Variants in ZNF682 observed in about 807,000 individuals in gnomAD.
ZNF682 encodes zinc finger protein 682.
Under a neutral mutation model 36.5 loss-of-function variants are expected in ZNF682, and 29 were observed. The observed-to-expected ratio is 0.80, with a 90% CI of 0.59 to 1.08. The LOEUF (loss-of-function observed/expected upper bound fraction) is 1.08, where lower values mean the gene tolerates loss of function less well. Ranked by LOEUF, ZNF682 falls within the 50% of genes least tolerant of loss-of-function variation. The pLI, the probability that ZNF682 is intolerant of heterozygous loss-of-function variation, is 0.00. For synonymous variants in ZNF682, 180 were observed against 197.0 expected, an observed-to-expected ratio of 0.91 and a Z score of 0.72; for missense variants, 561 against 579.7, an observed-to-expected ratio of 0.97 and a Z score of 0.33.
At chr19:20,038,086 G>T (rs1599621375) in intron 1 of ZNF682, among the ~76,000 whole-genome samples, 1 of 152,184 alleles carries the variant, frequency 6.6e-6, no homozygotes, top group African/African-American at 2.4e-5. Flanking sequence ...AAATAACACA[G>T]GGTGGCTGAG....
chr19:19,996,589 C>T (rs2088129974), downstream of ZNF682, among the ~76,000 whole-genome samples: 1 of 152,100 alleles, frequency 6.6e-6, no homozygotes, highest in South Asian at 2.1e-4. Flanking sequence ...AAATGATAAA[C>T]CAAACATCAT....
chr19:20,038,465 C>T (rs750897634), intron 1 of ZNF682, among the ~76,000 whole-genome samples: 12 of 152,010 alleles, frequency 7.9e-5, no homozygotes, highest in Admixed American at 3.3e-4. Flanking sequence ...AACTGCAAGT[C>T]AGAGTTAGGC....
chr19:20,027,933 G>C (rs1321541384), intron 1 of ZNF682, among the ~76,000 whole-genome samples: 1 of 152,006 alleles, frequency 6.6e-6, no homozygotes, highest in East Asian at 1.9e-4. Flanking sequence ...ACACAAAAAG[G>C]CTGAACTCAA....
At chr19:20,020,572 A>C (rs1221693113) in intron 3 of ZNF682, among the ~76,000 whole-genome samples, 2 of 152,202 alleles carry the variant, frequency 1.3e-5, no homozygotes, top group African/African-American at 2.4e-5. Flanking sequence ...ACTTCTGTGT[A>C]TGTAACCAAA....
At chr19:20,032,324 C>T (rs1300704559) in intron 1 of ZNF682, among the ~76,000 whole-genome samples, 2 of 152,168 alleles carry the variant, frequency 1.3e-5, no homozygotes, top group Non-Finnish European at 2.9e-5. Context: ...ATGTGTAACC[C>T]TGACAGGGTT....
chr19:20,000,184 C>G (rs188798112), downstream of ZNF682, among the ~76,000 whole-genome samples: 5 of 152,048 alleles, frequency 3.3e-5, no homozygotes, highest in Non-Finnish European at 2.9e-5. Flanking sequence ...GTGGAAGGAA[C>G]CTTGAAGAGT....
At chr19:19,997,670 G>A (rs551295728) in intron 3 of ZNF682, among the ~76,000 whole-genome samples, 3 of 152,348 alleles carry the variant, frequency 2.0e-5, no homozygotes, top group African/African-American at 7.2e-5. Flanking sequence ...TGAGTAAAGA[G>A]CACACCCCAA....
At chr19:20,036,803 TAAAAAAAAAAGAAAAA>T (rs1313146855) in intron 1 of ZNF682, among the ~76,000 whole-genome samples, 130 of 29,540 alleles carry the variant, frequency 4.4e-3, no homozygotes, top group Middle Eastern at 0.033. Context: ...GCTGTCTCTA[TAAAAAAAAAAGAAAAA>T]AAAAAAAAAA....
chr19:20,007,671 A>G (rs1197652012), intron 3 of ZNF682: 3 of 178,230 alleles, frequency 1.7e-5, no homozygotes, highest in Non-Finnish European at 3.5e-5. Flanking sequence ...GGCATTTCCC[A>G]GCTAAATCTA....
chr19:20,016,797 T>G (rs2088337968), intron 3 of ZNF682, among the ~76,000 whole-genome samples: 1 of 152,002 alleles, frequency 6.6e-6, no homozygotes. Flanking sequence ...AATGGTAAAG[T>G]AAATATATAC....
Position 20,007,069 on chromosome 19 carries a change from A to T in ZNF682, c.433T>A (p.Phe145Ile). The change falls in exon 4 of 4, where the codon TTC becomes ATC. Residue 145 changes from phenylalanine (F) to isoleucine (I), a missense_variant. Transcript: ENST00000397165. ...QCLSTLPSKI[F>I]PYNKCVKVFS... is the part of the protein sequence containing the mutation. ...ACTTTCACACATTTATTATATGGGA[A>T]AATTTTGCTAGGTAGAGTTGACAAA... 6.2e-7 allele frequency: 1 copy of T among 1,613,580 alleles called. No homozygotes were observed. The highest frequency in any genetic ancestry group is 1.3e-5 in the African/African-American group (1 of 75,006).
At chr19:20,034,402 G>A (rs1176242116) in intron 1 of ZNF682, 2 of 152,190 alleles carry the variant, frequency 1.3e-5, no homozygotes, top group Non-Finnish European at 2.9e-5. Context: ...ATAGCTAACT[G>A]AAGAGCTATT....
chr19:20,011,168 C>T (rs1463509647), intron 3 of ZNF682, among the ~76,000 whole-genome samples: 8 of 151,964 alleles, frequency 5.3e-5, no homozygotes, highest in Admixed American at 5.2e-4. Context: ...GGTCACTATT[C>T]TTGTATTAAT....
Position 20,039,432 on chromosome 19 carries a change from C to A in ZNF682, c.-87G>T. ...AGGGCAACAGAGGCTGCGACAGTCA[C>A]CGGGAACTACTAGAGCAGAGGATAC... On this transcript the variant is annotated 5_prime_UTR_variant, in exon 1 of 4. Transcript: ENST00000397165. The A allele has an allele frequency of 1.9e-6, 3 of 1,575,204 alleles. No individual in the cohort carries two copies. Among genetic ancestry groups the A allele is most frequent in the Non-Finnish European group, 2.6e-6 (3 of 1,155,556 alleles).
At position 20,004,784 on chromosome 19, in the gene ZNF682, T is replaced by C. The variant is rs2088196672; in HGVS notation, c.*1221A>G. The C allele has an allele frequency of 6.6e-6, 1 of 152,332 alleles. No individual in the cohort carries two copies. The highest frequency in any genetic ancestry group is 1.9e-4 in the East Asian group (1 of 5,188). 9.4% of individuals were successfully genotyped at this position (152,332 alleles called of 1,614,324 possible). Reference sequence around the variant, plus strand: ...GACACAGCATCAAGTAATTTGAGAGTTCAATTACATCAAAATTTGCCTTTG... The same window carrying C: ...GACACAGCATCAAGTAATTTGAGAGCTCAATTACATCAAAATTTGCCTTTG... On this transcript the variant is annotated 3_prime_UTR_variant, in exon 4 of 4. Transcript: ENST00000397165.
At chr19:20,007,980 G>T (rs1375754824) in intron 3 of ZNF682, 1 of 152,406 alleles carries the variant, frequency 6.6e-6, no homozygotes, top group Non-Finnish European at 1.5e-5. Context: ...CGTCCAAGAT[G>T]ACCTACCTGG....
Position 20,006,805 on chromosome 19 carries a change from C to G in ZNF682, c.697G>C (p.Glu233Gln), listed in dbSNP as rs754848414. Residue 233 changes from glutamate to glutamine, a missense_variant, in exon 4 of 4, where the codon GAA becomes CAA. Physicochemically the swap from Glu to Gln is conservative, Grantham distance 29. Coordinates refer to ENST00000397165, the MANE Select transcript of ZNF682 (RefSeq NM_033196.3). ...CACCAGTTAAAAGCTTTGCCACATTCTTCACATTTGTATGGTTTCTCTCCA... is the reference window on the plus strand; with the variant it reads ...CACCAGTTAAAAGCTTTGCCACATTGTTCACATTTGTATGGTTTCTCTCCA... ...HTGEKPYKCE[E>Q]CGKAFNWCSS... 10 of 1,613,966 alleles carry G rather than the reference C, an allele frequency of 6.2e-6. No homozygotes were observed. In the African/African-American group the frequency reaches 1.2e-4, roughly 19 times the overall value.
chr19:20,021,467 G>C (rs1279178320), intron 3 of ZNF682, among the ~76,000 whole-genome samples: 2 of 139,756 alleles, frequency 1.4e-5, no homozygotes, highest in African/African-American at 5.4e-5. Context: ...CTGTGTGACA[G>C]AGTGAGACTC....
downstream of ZNF682, among the ~76,000 whole-genome samples, chr19:20,001,218 G>A (rs1020400518): frequency 6.6e-6 from 1 of 152,200 alleles, no homozygotes; most frequent in African/African-American, 2.4e-5. Context: ...GCTACAGTTT[G>A]TATTGTTTTA....
Sources: allele counts gnomAD v4.1 joint callset (sites outside exome capture counted in the v4.1 genomes callset), GRCh38; gene constraint gnomAD v4.1.1; transcripts MANE v1.5; gene names NCBI Gene and HGNC (gene_info 2026-07-23, HGNC 2026-07-21).